The following TRPM3 variants were observed in gnomAD, a reference collection of about 807,000 sequenced individuals.
TRPM3 encodes transient receptor potential cation channel subfamily M member 3.
Under a neutral mutation model 181.2 loss-of-function variants are expected in TRPM3, and 77 were observed. That is an observed-to-expected ratio of 0.42 (90% CI 0.35 to 0.51). TRPM3 has a LOEUF of 0.51. TRPM3 is among the 20% of genes least tolerant of loss of function. The probability of loss-of-function intolerance (pLI) is 0.01; values close to 1 mark genes in which losing one functional copy is unlikely to be tolerated. For missense variants in TRPM3, 1,759 were observed against 2,196.7 expected (o/e 0.80, Z 3.98); for synonymous variants, 745 against 796.4 (o/e 0.94, Z 1.09).
Position 70,549,676 on chromosome 9 carries a change from TGTGG to T in TRPM3, c.3575-6_3575-3del. On this transcript the variant is annotated splice_region_variant and splice_polypyrimidine_tract_variant and intron_variant, in intron 24 of 25. Transcript: ENST00000677713. ...GCTCATCATCGGTTATGAAGAGTTC[TGTGG>T]AAAAAAAAAAAAAGGAAGTCTTGAG... 1 of 1,579,730 alleles carries T rather than the reference TGTGG, an allele frequency of 6.3e-7. No homozygotes were observed. Among genetic ancestry groups the T allele is most frequent in the Admixed American group, 1.9e-5 (1 of 53,296 alleles).
intron 1 of TRPM3, among the ~76,000 whole-genome samples, chr9:71,214,832 TC>T: frequency 6.6e-6 from 1 of 152,200 alleles, no homozygotes; most frequent in Middle Eastern, 3.4e-3. Context: ...CCCTTCCCCA[TC>T]CTGTTGACCT....
intron 6 of TRPM3, chr9:70,793,469 A>AAAAAAAT (rs1491522415): frequency 3.2e-5 from 4 of 123,220 alleles, no homozygotes; most frequent in African/African-American, 1.2e-4. Context: ...AAAAAAAAAA[A>AAAAAAAT]ATATATATAT....
intron 1 of TRPM3, among the ~76,000 whole-genome samples, chr9:71,393,694 A>G (rs1012107817): frequency 5.9e-5 from 9 of 152,150 alleles, no homozygotes; most frequent in African/African-American, 1.9e-4. Flanking sequence ...CACACAGCCA[A>G]TTTCATCAAT....
At chr9:70,889,931 T>C (rs1369795473) in intron 1 of TRPM3, among the ~76,000 whole-genome samples, 1 of 148,496 alleles carries the variant, frequency 6.7e-6, no homozygotes, top group East Asian at 1.9e-4. Context: ...ATATATGTAG[T>C]ATATATGCTA....
rs867691144 is a variant in TRPM3, at chr9:70,619,843, C to T, written c.2129+233G>A. Among the ~76,000 whole-genome samples, 10 of 152,254 alleles carry T rather than the reference C, an allele frequency of 6.6e-5. No homozygotes were observed. The Middle Eastern group carries it at 0.02, about 311-fold the overall frequency. ...CCTAGCTGAAAGAAGTGCATAACTA[C>T]GGGGCCTACCTCATGGGGAAGTTGA... On this transcript the variant is annotated intron_variant, in intron 16 of 25. Transcript: ENST00000677713.
At chr9:71,331,074 T>G (rs994535275) in intron 1 of TRPM3, among the ~76,000 whole-genome samples, 1 of 151,860 alleles carries the variant, frequency 6.6e-6, no homozygotes, top group African/African-American at 2.4e-5. Context: ...AACTCCAGAG[T>G]AGGTAACATA....
chr9:70,896,746 G>A (rs573967817), intron 1 of TRPM3, among the ~76,000 whole-genome samples: 61 of 151,058 alleles, frequency 4.0e-4, no homozygotes, highest in African/African-American at 1.3e-3. Context: ...CTCTTGGATC[G>A]AATTAGGCAG....
chr9:71,001,248 G>A (rs538009574), intron 1 of TRPM3, among the ~76,000 whole-genome samples: 3 of 152,304 alleles, frequency 2.0e-5, no homozygotes, highest in South Asian at 2.1e-4. Flanking sequence ...CTGCCCAACC[G>A]TAAGCCCACA....
intron 1 of TRPM3, among the ~76,000 whole-genome samples, chr9:70,865,063 A>G (rs1318733633): frequency 6.6e-6 from 1 of 151,722 alleles, no homozygotes; most frequent in African/African-American, 2.4e-5. Context: ...GGGGAGGAAA[A>G]TAAAAGCATG....
At chr9:70,969,777 T>TAC (rs758885587) in intron 1 of TRPM3, among the ~76,000 whole-genome samples, 3 of 125,920 alleles carry the variant, frequency 2.4e-5, no homozygotes, top group African/African-American at 5.7e-5. Context: ...TATATATATA[T>TAC]ATACACACAC....
intron 1 of TRPM3, among the ~76,000 whole-genome samples, chr9:70,899,671 G>A (rs2096354180): frequency 1.3e-5 from 2 of 152,166 alleles, no homozygotes; most frequent in Admixed American, 1.3e-4. Context: ...ACTCATTTGT[G>A]CCCCAATGCA....
At chr9:71,362,614 A>G (rs1372843634) in intron 1 of TRPM3, among the ~76,000 whole-genome samples, 5 of 152,228 alleles carry the variant, frequency 3.3e-5, no homozygotes, top group African/African-American at 7.2e-5. Flanking sequence ...TAAATTAACA[A>G]TGATCAGAAT....
chr9:71,322,923 T>C (rs2089370234), intron 1 of TRPM3, among the ~76,000 whole-genome samples: 1 of 152,176 alleles, frequency 6.6e-6, no homozygotes. Flanking sequence ...AGGGTAATAG[T>C]TCAGCTATTA....
intron 8 of TRPM3, among the ~76,000 whole-genome samples, chr9:70,754,574 G>T (rs2076731708): frequency 6.6e-6 from 1 of 152,010 alleles, no homozygotes; most frequent in Non-Finnish European, 1.5e-5. Context: ...GCAGGCCCAG[G>T]GAATATTTTT....
At chr9:71,369,563 G>A (rs1448349849) in intron 1 of TRPM3, among the ~76,000 whole-genome samples, 1 of 152,144 alleles carries the variant, frequency 6.6e-6, no homozygotes, top group Non-Finnish European at 1.5e-5. Flanking sequence ...GAGTGCAGTG[G>A]CGCGATCTCA....
chr9:70,677,993 T>C (rs552138995), intron 9 of TRPM3, among the ~76,000 whole-genome samples: 19 of 151,886 alleles, frequency 1.3e-4, no homozygotes, highest in African/African-American at 4.3e-4. Flanking sequence ...AGTCCCCACT[T>C]GGGGACATAC....
At chr9:71,375,043 T>A (rs1189539160) in intron 1 of TRPM3, among the ~76,000 whole-genome samples, 1 of 152,138 alleles carries the variant, frequency 6.6e-6, no homozygotes, top group Non-Finnish European at 1.5e-5. Flanking sequence ...ATTCCATGCA[T>A]TCCCATTAAA....
At chr9:71,370,464 A>C (rs1056949201) in intron 1 of TRPM3, among the ~76,000 whole-genome samples, 1 of 151,068 alleles carries the variant, frequency 6.6e-6, no homozygotes, top group African/African-American at 2.5e-5. Flanking sequence ...AGAAAGTTTT[A>C]GTGGTCTGGA....
At chr9:70,635,513 A>G (rs1589608613) in intron 11 of TRPM3, among the ~76,000 whole-genome samples, 1 of 128,428 alleles carries the variant, frequency 7.8e-6, no homozygotes, top group Non-Finnish European at 1.6e-5. Flanking sequence ...CCCAGGCTGG[A>G]GTGCAACGGC....
Sources: gnomAD v4.1 joint callset for allele counts (sites outside exome capture counted in the v4.1 genomes callset) on GRCh38, gnomAD v4.1.1 for gene constraint, MANE v1.5 for transcripts, NCBI Gene and HGNC (gene_info 2026-07-23, HGNC 2026-07-21) for gene names.